Variants in FOXN3 observed in about 807,000 individuals in gnomAD.
FOXN3 encodes the protein forkhead box protein N3.
A neutral mutation model predicts 38.4 loss-of-function variants in FOXN3; 7 were observed. That is an observed-to-expected ratio of 0.18 (90% CI 0.10 to 0.34). The LOEUF (loss-of-function observed/expected upper bound fraction) is 0.34, where lower values mean the gene tolerates loss of function less well. Ranked by LOEUF, FOXN3 falls within the 10% of genes least tolerant of loss-of-function variation. The pLI is 1.00. For synonymous variants in FOXN3, 230 were observed against 242.2 expected, an observed-to-expected ratio of 0.95 and a Z score of 0.47; for missense variants, 456 against 613.4, an observed-to-expected ratio of 0.74 and a Z score of 2.71.
intron 1 of FOXN3, among the ~76,000 whole-genome samples, chr14:89,563,401 G>T (rs894913118): frequency 2.6e-5 from 4 of 152,220 alleles, no homozygotes; most frequent in African/African-American, 9.6e-5. Flanking sequence ...CAGCCATACA[G>T]AATGGCAATG....
chr14:89,344,363 G>A (rs990633195), intron 3 of FOXN3, among the ~76,000 whole-genome samples: 3 of 151,870 alleles, frequency 2.0e-5, no homozygotes, highest in East Asian at 3.9e-4. Flanking sequence ...AGGATGCTGG[G>A]ATTTCTTTGG....
chr14:89,315,832 G>C (rs1049126828), intron 3 of FOXN3, among the ~76,000 whole-genome samples: 8 of 152,188 alleles, frequency 5.3e-5, no homozygotes, highest in African/African-American at 1.9e-4. Flanking sequence ...GATGGCTTAA[G>C]CTTATGTGTA....
At chr14:89,514,545 G>A (rs537567217) in intron 1 of FOXN3, among the ~76,000 whole-genome samples, 9 of 152,290 alleles carry the variant, frequency 5.9e-5, no homozygotes, top group East Asian at 5.8e-4. Flanking sequence ...ATCATCTACC[G>A]TAACCAGACT....
chr14:89,408,536 G>A (rs1891451540), intron 2 of FOXN3, among the ~76,000 whole-genome samples: 1 of 150,600 alleles, frequency 6.6e-6, no homozygotes, highest in African/African-American at 2.5e-5. Context: ...TTACAGGTGT[G>A]AGTCACCGTG....
intron 5 of FOXN3, among the ~76,000 whole-genome samples, chr14:89,174,096 A>G (rs1887458863): frequency 6.6e-6 from 1 of 152,232 alleles, no homozygotes; most frequent in South Asian, 2.1e-4. Context: ...GCAGAGAATC[A>G]TTTAATACAA....
intron 4 of FOXN3, among the ~76,000 whole-genome samples, chr14:89,224,904 G>A (rs1884583722): frequency 6.6e-6 from 1 of 152,112 alleles, no homozygotes; most frequent in Non-Finnish European, 1.5e-5. Context: ...GCCGAGGCGG[G>A]CGGATCACGA....
At chr14:89,338,522 G>A (rs1031375915) in intron 3 of FOXN3, among the ~76,000 whole-genome samples, 9 of 152,146 alleles carry the variant, frequency 5.9e-5, no homozygotes, top group East Asian at 3.9e-4. Flanking sequence ...GGCTGGGCGC[G>A]GTGGCTCACG....
chr14:89,262,761 T>C (rs1885846533), intron 4 of FOXN3, among the ~76,000 whole-genome samples: 2 of 152,192 alleles, frequency 1.3e-5, no homozygotes, highest in Admixed American at 1.3e-4. Context: ...TACAACACAT[T>C]CTTAAGACAT....
chr14:89,445,290 A>G (rs1276308535), intron 1 of FOXN3, among the ~76,000 whole-genome samples: 3 of 152,298 alleles, frequency 2.0e-5, no homozygotes, highest in Non-Finnish European at 4.4e-5. Flanking sequence ...AAGCAGTGTC[A>G]TGACCCTTAA....
intron 1 of FOXN3, among the ~76,000 whole-genome samples, chr14:89,593,250 AAGGAAGG>A (rs1225338501): frequency 6.6e-6 from 1 of 151,342 alleles, no homozygotes; most frequent in Non-Finnish European, 1.5e-5. Flanking sequence ...GGAGGGAGGG[AAGGAAGG>A]AGGAAGGAGA....
chr14:89,527,458 A>T (rs1039710310), intron 1 of FOXN3, among the ~76,000 whole-genome samples: 4 of 152,218 alleles, frequency 2.6e-5, no homozygotes, highest in African/African-American at 7.2e-5. Flanking sequence ...ATTGTGATAA[A>T]ATATTTGCAT....
chr14:89,204,508 G>T (rs906492747), intron 4 of FOXN3, among the ~76,000 whole-genome samples: 7 of 152,124 alleles, frequency 4.6e-5, no homozygotes, highest in Non-Finnish European at 4.4e-5. Context: ...CAAATGCTTG[G>T]TATTTTTTTT....
At chr14:89,220,881 G>A (rs1884441190) in intron 4 of FOXN3, among the ~76,000 whole-genome samples, 1 of 152,066 alleles carries the variant, frequency 6.6e-6, no homozygotes, top group Non-Finnish European at 1.5e-5. Flanking sequence ...GTGATAGAAC[G>A]ATGACTGAAA....
intron 1 of FOXN3, among the ~76,000 whole-genome samples, chr14:89,587,286 G>C (rs1895859327): frequency 6.6e-6 from 1 of 152,230 alleles, no homozygotes; most frequent in South Asian, 2.1e-4. Context: ...ATCTCTTCTA[G>C]AAAATCCCTT....
At chr14:89,510,419 G>A (rs1330298617) in intron 1 of FOXN3, among the ~76,000 whole-genome samples, 1 of 152,200 alleles carries the variant, frequency 6.6e-6, no homozygotes, top group East Asian at 1.9e-4. Flanking sequence ...CCCTGCATAT[G>A]CACTGAGGGC....
chr14:89,353,524 C>T (rs1349203352), intron 2 of FOXN3: 3 of 152,010 alleles, frequency 2.0e-5, no homozygotes, highest in African/African-American at 4.8e-5. Context: ...ATTCTCAGCT[C>T]CCCCTCTATT....
chr14:89,414,473 T>C (rs1891637992), intron 1 of FOXN3, among the ~76,000 whole-genome samples: 2 of 151,850 alleles, frequency 1.3e-5, no homozygotes, highest in African/African-American at 4.8e-5. Context: ...CTGTGAATTA[T>C]AGTACCTTCC....
At chr14:89,378,374 C>T (rs941016404) in intron 2 of FOXN3, among the ~76,000 whole-genome samples, 2 of 152,324 alleles carry the variant, frequency 1.3e-5, no homozygotes, top group African/African-American at 4.8e-5. Flanking sequence ...CCACAGGACT[C>T]CTTCTCTCAG....
chr14:89,307,387 A>C (rs538899216), intron 3 of FOXN3, among the ~76,000 whole-genome samples: 1 of 152,298 alleles, frequency 6.6e-6, no homozygotes, highest in East Asian at 1.9e-4. Context: ...TTTAAGCTGA[A>C]ATAATTCTGG....
Sources: allele counts gnomAD v4.1 joint callset (sites outside exome capture counted in the v4.1 genomes callset), GRCh38; gene constraint gnomAD v4.1.1; transcripts MANE v1.5; gene names NCBI Gene and HGNC (gene_info 2026-07-23, HGNC 2026-07-21).